OBP2A: variants seen among roughly 807,000 people sequenced by gnomAD.
OBP2A encodes the protein odorant-binding protein 2a.
Under a neutral mutation model 21.9 loss-of-function variants are expected in OBP2A, and 15 were observed. The observed-to-expected ratio is 0.69, with a 90% CI of 0.46 to 1.06. OBP2A has a LOEUF of 1.06. Among genes scored for constraint, OBP2A ranks in the 50% least tolerant of loss-of-function variants. OBP2A has a pLI of 0.00. For synonymous variants in OBP2A, 86 were observed against 91.8 expected, an observed-to-expected ratio of 0.94 and a Z score of 0.36; for missense variants, 192 against 220.1, an observed-to-expected ratio of 0.87 and a Z score of 0.81.
Position 135,549,397 on chromosome 9 carries a change from C to T in OBP2A, c.*1+66C>T, listed in dbSNP as rs1295400105. ...CCTGGGTTCCCGGGGTTCGAGGGTA[C>T]ATCTGCTCTGGCCCTTCCCATCCCA... On this transcript the variant is annotated intron_variant, in intron 6 of 6. Coordinates refer to ENST00000371776, the MANE Select transcript of OBP2A (RefSeq NM_014582.3). 5.2e-6 allele frequency: 7 copies of T among 1,350,724 alleles called. 2 individuals are homozygous for T. Among genetic ancestry groups the T allele is most frequent in the Non-Finnish European group, 7.3e-6 (7 of 958,918 alleles). The allele number at this position is 1,350,724 out of a possible 1,614,324, so 83.7% of individuals were successfully genotyped here.
At chr9:135,547,809 G>A in intron 3 of OBP2A, 62 bp from the exon 4 acceptor site, 1 of 1,256,734 alleles carries the variant, frequency 8.0e-7, no homozygotes, top group Non-Finnish European at 1.1e-6. Flanking sequence ...TTCTTCGTGT[G>A]GTCCTGAGTG....
intron 3 of OBP2A, 92 bp from the exon 4 acceptor site, chr9:135,547,779 A>T: frequency 1.0e-6 from 1 of 995,288 alleles, no homozygotes; most frequent in Non-Finnish European, 1.5e-6. Flanking sequence ...CTGGGTGACC[A>T]CTGAAACATT....
intron 4 of OBP2A, 81 bp from the exon 5 acceptor site, chr9:135,548,627 G>T (rs1177526100): frequency 6.3e-7 from 1 of 1,594,548 alleles, no homozygotes; most frequent in African/African-American, 1.3e-5. Flanking sequence ...GCTGGGCCGT[G>T]GTCGTCTCCT....
intron 5 of OBP2A, 71 bp downstream of exon 5, chr9:135,548,880 C>T (rs3827838): frequency 0.71 from 1,037,039 of 1,463,664 alleles, 373,751 homozygotes; most frequent in East Asian, 0.86. Flanking sequence ...CCCATGACCC[C>T]CATGTCCTCC....
Position 135,547,875 on chromosome 9 carries a change from G to A in OBP2A, c.282G>A (p.Gly94=). 1 of 1,608,216 alleles carries A rather than the reference G, an allele frequency of 6.2e-7. No individual in the cohort carries two copies. Among genetic ancestry groups the A allele is most frequent in the Non-Finnish European group, 8.5e-7 (1 of 1,177,216 alleles). ...CATCTTCTCTGTCATCTACAGATGG[G>A]GGCAGGAAGCTCATATACCTGCAGG... ...TEEPGKFSAY[G]GRKLIYLQEL... Residue 94 remains glycine (G), a synonymous_variant, in exon 4 of 7, where the codon GGG becomes GGA. Coordinates refer to ENST00000371776, the MANE Select transcript of OBP2A (RefSeq NM_014582.3).
intron 4 of OBP2A, among the ~76,000 whole-genome samples, 155 bp downstream of exon 4, chr9:135,548,136 G>A (rs1470485243): frequency 5.3e-5 from 8 of 152,226 alleles, no homozygotes; most frequent in African/African-American, 1.4e-4. Flanking sequence ...CTGGATGGCT[G>A]GTCCAAGTTC....
intron 5 of OBP2A, 67 bp downstream of exon 5, chr9:135,548,876 AC>A: frequency 6.8e-7 from 1 of 1,467,510 alleles, no homozygotes; most frequent in Non-Finnish European, 9.5e-7. Context: ...GTGTCCCATG[AC>A]CCCCATGTCC....
chr9:135,547,135 G>T (rs770592572), intron 2 of OBP2A, 43 bp from the exon 3 acceptor site: 1 of 1,550,258 alleles, frequency 6.5e-7, no homozygotes, highest in South Asian at 1.1e-5. Flanking sequence ...GATGGGCCAG[G>T]TGTGTCCTGG....
intron 3 of OBP2A, among the ~76,000 whole-genome samples, chr9:135,547,599 G>C (rs112066219): frequency 0.2 from 29,729 of 152,270 alleles, 3,388 homozygotes; most frequent in Non-Finnish European, 0.26. Context: ...ACAGGGAAGT[G>C]GGGCAGGAGC....
rs745872710 is a variant in OBP2A, at chr9:135,549,493, T to G, written c.*1+162T>G. The stretch of plus-strand genomic sequence containing the variant: ...TCAGAGTCTGCCCACCCAAAATTCC[T>G]GGGACATTCGGGAAGTCCTTTGTTT... On this transcript the variant is annotated intron_variant, in intron 6 of 6. Transcript: ENST00000371776. 5.1e-4 allele frequency: 398 copies of G among 788,008 alleles called. 12 individuals carry two copies. Among genetic ancestry groups the G allele is most frequent in the Non-Finnish European group, 7.5e-4 (368 of 487,542 alleles). 48.8% of individuals were successfully genotyped at this position (788,008 alleles called of 1,614,324 possible). A position where few individuals can be genotyped will look rare whatever the true frequency, so the allele number is the denominator to read the frequency against.
At chr9:135,548,569 C>T in intron 4 of OBP2A, 139 bp from the exon 5 acceptor site, 1 of 1,265,468 alleles carries the variant, frequency 7.9e-7, no homozygotes, top group South Asian at 1.5e-5. Flanking sequence ...TGTCCCCAGC[C>T]CCACCCCTGA....
At chr9:135,548,045 A>G (rs1831998286) in intron 4 of OBP2A, 64 bp downstream of exon 4, 2 of 1,210,612 alleles carry the variant, frequency 1.7e-6, no homozygotes, top group East Asian at 4.9e-5. Context: ...AGCCAGTGGA[A>G]CCACCATCAT....
At position 135,549,842 on chromosome 9, in the gene OBP2A, C is replaced by G; in HGVS notation, c.*7C>G. 6.5e-7 allele frequency: 1 copy of G among 1,547,196 alleles called. No individual in the cohort carries two copies. The highest frequency in any genetic ancestry group is 1.4e-5 in the African/African-American group (1 of 72,846). Reference sequence around the variant, plus strand: ...TGCTCCTCTTCCCAGCACAGCAGCCCCCGGGTCTGCACCTCCAGAGCCCAC... The same window carrying G: ...TGCTCCTCTTCCCAGCACAGCAGCCGCCGGGTCTGCACCTCCAGAGCCCAC... On this transcript the variant is annotated 3_prime_UTR_variant, in exon 7 of 7. Transcript: ENST00000371776.
Position 135,548,778 on chromosome 9 carries a change from G to C in OBP2A, c.459G>C (p.Ser153=), listed in dbSNP as rs3827835. The change falls in exon 5 of 7, where the codon TCG becomes TCC. Residue 153 remains serine (S), a synonymous_variant. Coordinates refer to ENST00000371776, the MANE Select transcript of OBP2A (RefSeq NM_014582.3). Reference sequence around the variant, plus strand: ...AATTGGTGCAGCACAAGGGACTCTCGGAGGAGGACATTTTCATGCCCCTGC... The same window carrying C: ...AATTGGTGCAGCACAAGGGACTCTCCGAGGAGGACATTTTCATGCCCCTGC... ...FKKLVQHKGL[S]EEDIFMPLQT... The C allele has an allele frequency of 0.25, 399,698 of 1,612,026 alleles. 52,559 individuals carry two copies. Among genetic ancestry groups the C allele is most frequent in the Non-Finnish European group, 0.27 (318,425 of 1,178,184 alleles).
chr9:135,549,803 G>T, intron 6 of OBP2A, 34 bp from the exon 7 acceptor site: 2 of 1,479,402 alleles, frequency 1.4e-6, no homozygotes, highest in Non-Finnish European at 9.2e-7. Context: ...CTACCCTGCA[G>T]CCTCCCTGAC....
At position 135,546,994 on chromosome 9, in the gene OBP2A, A is replaced by G. The variant is rs3895112; in HGVS notation, c.206+83A>G. The G allele has an allele frequency of 5.6e-4, 885 of 1,594,154 alleles. 4 individuals are homozygous for G. The highest frequency in any genetic ancestry group is 1.7e-3 in the East Asian group (76 of 44,590). On this transcript the variant is annotated intron_variant, in intron 2 of 6. Transcript: ENST00000371776. The stretch of plus-strand genomic sequence containing the variant: ...ACCTGGTGCCCATTGCCCCATCCAC[A>G]TTTCGGGTGTTGGGAAGAGTCACCC...
chr9:135,547,753 A>G (rs1404991803), intron 3 of OBP2A, 118 bp from the exon 4 acceptor site: 38 of 761,658 alleles, frequency 5.0e-5, no homozygotes, highest in Non-Finnish European at 4.2e-6. Context: ...GGCCTGGCTC[A>G]GGCTGTCCAG....
Position 135,547,184 on chromosome 9 carries a change from G to A in OBP2A, c.213G>A (p.Glu71=). ...AGTGTCTCCTGTTTTCCAGGAGGGAGGATCGGTGCATCCAGAAGAAAATCC... is the reference window on the plus strand; with the variant it reads ...AGTGTCTCCTGTTTTCCAGGAGGGAAGATCGGTGCATCCAGAAGAAAATCC... ...NLEATFTFMR[E]DRCIQKKILM... Residue 71 remains glutamate, a synonymous_variant, in exon 3 of 7, where the codon GAG becomes GAA. Coordinates refer to ENST00000371776, the MANE Select transcript of OBP2A (RefSeq NM_014582.3). 6.2e-7 allele frequency: 1 copy of A among 1,612,434 alleles called. No homozygotes were observed. The highest frequency in any genetic ancestry group is 8.5e-7 in the Non-Finnish European group (1 of 1,179,910).
intron 3 of OBP2A, 76 bp downstream of exon 3, chr9:135,547,324 C>A: frequency 6.7e-7 from 1 of 1,500,784 alleles, no homozygotes; most frequent in Non-Finnish European, 9.2e-7. Context: ...GGAGAGTGCC[C>A]AGGCCACACT....
Sources: gnomAD v4.1 joint callset for allele counts (sites outside exome capture counted in the v4.1 genomes callset) on GRCh38, gnomAD v4.1.1 for gene constraint, MANE v1.5 for transcripts, NCBI Gene and HGNC (gene_info 2026-07-23, HGNC 2026-07-21) for gene names.